The following CDYL variants were observed in gnomAD, a reference collection of about 807,000 sequenced individuals.
CDYL encodes the protein chromodomain Y like, also known as chromodomain Y-like protein.
A neutral mutation model predicts 47.3 loss-of-function variants in CDYL; 8 were observed. The ratio of observed to expected loss-of-function variants is 0.17; its 90% CI spans 0.10 to 0.31. The LOEUF (loss-of-function observed/expected upper bound fraction) is 0.31, where lower values mean the gene tolerates loss of function less well. Among genes scored for constraint, CDYL ranks in the 10% least tolerant of loss-of-function variants. CDYL has a pLI of 1.00. For synonymous variants in CDYL, 266 were observed against 265.0 expected (o/e 1.00, Z -0.04); for missense variants, 471 against 701.4 (o/e 0.67, Z 3.71).
intron 2 of CDYL, among the ~76,000 whole-genome samples, chr6:4,725,974 C>T (rs11755832): frequency 0.075 from 11,469 of 152,338 alleles, 475 homozygotes; most frequent in East Asian, 0.16. Context: ...CTGCATTTAT[C>T]TGTTGTCTAC....
chr6:4,839,750 G>T (rs983556793), intron 1 of CDYL, among the ~76,000 whole-genome samples: 4 of 151,998 alleles, frequency 2.6e-5, no homozygotes, highest in African/African-American at 7.2e-5. Context: ...TTTATTTTTG[G>T]GTTCTTTATT....
chr6:4,903,457 A>G (rs1757130490), intron 2 of CDYL, among the ~76,000 whole-genome samples: 1 of 152,214 alleles, frequency 6.6e-6, no homozygotes, highest in South Asian at 2.1e-4. Context: ...ATGTCTTTTG[A>G]TAATTAGCAT....
At chr6:4,930,364 A>C (rs150687067) in intron 2 of CDYL, among the ~76,000 whole-genome samples, 1 of 152,174 alleles carries the variant, frequency 6.6e-6, no homozygotes, top group South Asian at 2.1e-4. Context: ...ATGTCTCACA[A>C]ATTACAGCCT....
At chr6:4,942,999 A>G (rs1367885866) in intron 4 of CDYL, among the ~76,000 whole-genome samples, 2 of 152,216 alleles carry the variant, frequency 1.3e-5, no homozygotes, top group African/African-American at 4.8e-5. Context: ...TAAACTCAGG[A>G]AATAGCAATT....
intron 1 of CDYL, among the ~76,000 whole-genome samples, chr6:4,855,210 A>G (rs1453379837): frequency 6.6e-6 from 1 of 152,180 alleles, no homozygotes; most frequent in African/African-American, 2.4e-5. Flanking sequence ...CCAGTATTTA[A>G]CCCTTTGAAG....
intron 1 of CDYL, among the ~76,000 whole-genome samples, chr6:4,708,943 G>A (rs1283803482): frequency 1.3e-5 from 2 of 152,176 alleles, no homozygotes; most frequent in East Asian, 3.9e-4. Context: ...GGAGGCAGAG[G>A]TTGCAGTGAG....
chr6:4,730,201 G>A (rs1757579733), intron 2 of CDYL, among the ~76,000 whole-genome samples: 2 of 152,116 alleles, frequency 1.3e-5, no homozygotes. Context: ...GTTTTTCTGA[G>A]ATTCTATAAT....
At chr6:4,784,307 C>T (rs1169873249) in intron 1 of CDYL, among the ~76,000 whole-genome samples, 2 of 152,092 alleles carry the variant, frequency 1.3e-5, no homozygotes, top group Non-Finnish European at 2.9e-5. Context: ...TTCCTTGTTT[C>T]CTACAATTGC....
chr6:4,776,727 C>A lies in CDYL; in HGVS notation c.-57C>A. The A allele has an allele frequency of 7.8e-7, 1 of 1,274,654 alleles. No individual in the cohort carries two copies. The highest frequency in any genetic ancestry group is 1.0e-6 in the Non-Finnish European group (1 of 987,948). The allele number at this position is 1,274,654 out of a possible 1,614,324, so 79.0% of individuals were successfully genotyped here. On this transcript the variant is annotated 5_prime_UTR_variant, in exon 1 of 7. Coordinates refer to ENST00000397588, the MANE Select transcript of CDYL (RefSeq NM_004824.4). ...CCAACTGAAACAAAGTGTCGGCCGC[C>A]CGGCGCCGGCGCCCGCCCCGACCCT...
At chr6:4,910,087 C>T (rs537170500) in intron 2 of CDYL, among the ~76,000 whole-genome samples, 16 of 151,806 alleles carry the variant, frequency 1.1e-4, no homozygotes, top group South Asian at 4.1e-4. Context: ...TCAGCACAGA[C>T]GGCACTTCCT....
intron 1 of CDYL, among the ~76,000 whole-genome samples, chr6:4,863,269 T>C (rs1462010764): frequency 6.6e-6 from 1 of 152,160 alleles, no homozygotes; most frequent in Non-Finnish European, 1.5e-5. Context: ...ACTGTTTGAG[T>C]AATGGGTTCA....
chr6:4,952,422 G>A lies in CDYL; in HGVS notation c.1476+13G>A, dbSNP rs1424837228. On this transcript the variant is annotated intron_variant, in intron 6 of 6. Transcript: ENST00000397588. Reference sequence around the variant, plus strand: ...GTGCAATCCAGTTGTATGTCTAATTGCTTCTGTTACACGTTACTTTTTAAA... The same window carrying A: ...GTGCAATCCAGTTGTATGTCTAATTACTTCTGTTACACGTTACTTTTTAAA... 1 of 1,598,384 alleles carries A rather than the reference G, an allele frequency of 6.3e-7. No homozygotes were observed. The highest frequency in any genetic ancestry group is 8.5e-7 in the Non-Finnish European group (1 of 1,173,834).
At chr6:4,885,744 C>A (rs1422558223) in intron 1 of CDYL, among the ~76,000 whole-genome samples, 5 of 152,202 alleles carry the variant, frequency 3.3e-5, no homozygotes, top group African/African-American at 1.2e-4. Flanking sequence ...TTTCTTTAAA[C>A]TGCTTTTTTG....
chr6:4,758,351 A>AATATAT lies in CDYL; in HGVS notation c.186+23522_186+23527dup, dbSNP rs56250752. On this transcript the variant is annotated intron_variant, in intron 3 of 8. Coordinates refer to the CDYL transcript ENST00000328908. ...AAGACTCATGTCTTGAAAATAAATA[A>AATATAT]ATATATATATATATATATATCTCTT... Among the ~76,000 whole-genome samples, 1,064 of 129,046 alleles carry AATATAT rather than the reference A, an allele frequency of 8.2e-3. 33 individuals are homozygous for AATATAT. Among genetic ancestry groups the AATATAT allele is most frequent in the African/African-American group, 0.027 (888 of 32,678 alleles). The allele number at this position is 129,046 out of a possible 152,430, so 84.7% of individuals were successfully genotyped here.
intron 1 of CDYL, among the ~76,000 whole-genome samples, chr6:4,873,045 G>A (rs1279671485): frequency 6.6e-6 from 1 of 152,196 alleles, no homozygotes. Context: ...TTCCTTCTCA[G>A]TTGTAGCAGC....
chr6:4,851,345 A>G (rs777146412), intron 1 of CDYL, among the ~76,000 whole-genome samples: 2 of 152,140 alleles, frequency 1.3e-5, no homozygotes, highest in South Asian at 2.1e-4. Flanking sequence ...ATTATTATCT[A>G]TCATACAAAG....
chr6:4,746,164 G>C (rs1425277146), intron 3 of CDYL, among the ~76,000 whole-genome samples: 1 of 152,096 alleles, frequency 6.6e-6, no homozygotes, highest in Non-Finnish European at 1.5e-5. Flanking sequence ...AGGAGTTCTA[G>C]ACCGGCCTGA....
intron 1 of CDYL, among the ~76,000 whole-genome samples, chr6:4,852,248 A>G (rs1237960325): frequency 3.3e-5 from 5 of 152,148 alleles, no homozygotes; most frequent in African/African-American, 9.7e-5. Context: ...AGGTGGAACT[A>G]TTTTGCAAGG....
At chr6:4,739,826 G>A (rs1757765177) in intron 3 of CDYL, among the ~76,000 whole-genome samples, 1 of 151,690 alleles carries the variant, frequency 6.6e-6, no homozygotes, top group South Asian at 2.1e-4. Flanking sequence ...GGTGGCGCAT[G>A]CCTGTATTCC....
Sources: gnomAD v4.1 joint callset for allele counts (sites outside exome capture counted in the v4.1 genomes callset) on GRCh38, gnomAD v4.1.1 for gene constraint, MANE v1.5 for transcripts, NCBI Gene and HGNC (gene_info 2026-07-23, HGNC 2026-07-21) for gene names.